The following ZNF432 variants were observed in gnomAD, a reference collection of about 807,000 sequenced individuals.
ZNF432 encodes zinc finger protein 432.
A neutral mutation model predicts 13.9 loss-of-function variants in ZNF432; 10 were observed. That is an observed-to-expected ratio of 0.72 (90% CI 0.44 to 1.22). ZNF432 has a LOEUF of 1.22. ZNF432 is among the 50% of genes most tolerant of loss of function. The pLI is 0.00. For missense variants in ZNF432, 793 were observed against 796.2 expected (o/e 1.00, Z 0.05); for synonymous variants, 247 against 256.2 (o/e 0.96, Z 0.34).
chr19:52,046,882 G>A lies in ZNF432; in HGVS notation c.-14C>T. The stretch of plus-strand genomic sequence containing the variant: ...GGCATTGATCATTTTCTTCTGTTGT[G>A]GGAAATGGCCAGCACCTGGGATACT... On this transcript the variant is annotated 5_prime_UTR_variant, in exon 2 of 5. Transcript: ENST00000221315. The A allele has an allele frequency of 6.2e-7, 1 of 1,613,040 alleles. No individual in the cohort carries two copies. The highest frequency in any genetic ancestry group is 8.5e-7 in the Non-Finnish European group (1 of 1,179,442).
At chr19:52,038,451 C>A (rs144168892) in intron 4 of ZNF432, among the ~76,000 whole-genome samples, 6 of 152,110 alleles carry the variant, frequency 3.9e-5, no homozygotes, top group Admixed American at 2.0e-4. Flanking sequence ...CCACCATGCC[C>A]GGCTAATTTT....
chr19:52,048,093 G>T (rs560836145), intron 1 of ZNF432, among the ~76,000 whole-genome samples: 1 of 136,356 alleles, frequency 7.3e-6, no homozygotes, highest in South Asian at 2.6e-4. Context: ...AAATGTTAAC[G>T]TTCATCAAGT....
At chr19:52,045,732 C>T (rs1298483575) in intron 2 of ZNF432, among the ~76,000 whole-genome samples, 1 of 150,838 alleles carries the variant, frequency 6.6e-6, no homozygotes, top group African/African-American at 2.4e-5. Context: ...CAGTGGCTCA[C>T]GCCTGTAATC....
At chr19:52,035,532 TTTA>T (rs1184236322) in intron 4 of ZNF432, 92 bp from the exon 5 acceptor site, 29 of 1,051,138 alleles carry the variant, frequency 2.8e-5, no homozygotes, top group African/African-American at 4.9e-5. Context: ...TTTTATTTTG[TTTA>T]TTATTATTAT....
chr19:52,042,166 G>A (rs747552541), intron 2 of ZNF432, among the ~76,000 whole-genome samples: 69 of 152,142 alleles, frequency 4.5e-4, no homozygotes, highest in Non-Finnish European at 7.6e-4. Flanking sequence ...GTATATATAC[G>A]TATACAGTCA....
Position 52,033,573 on chromosome 19 carries a change from G to T in ZNF432, c.*147C>A. ...TTCATGTTGAAGCCTTTCTGACATTGATAGCATTCATCCTAGTGAATAACA... is the reference window on the plus strand; with the variant it reads ...TTCATGTTGAAGCCTTTCTGACATTTATAGCATTCATCCTAGTGAATAACA... On this transcript the variant is annotated 3_prime_UTR_variant, in exon 5 of 5. Coordinates refer to ENST00000221315, the MANE Select transcript of ZNF432 (RefSeq NM_014650.4). The T allele has an allele frequency of 2.3e-6, 2 of 880,456 alleles. No homozygotes were observed. Among genetic ancestry groups the T allele is most frequent in the Non-Finnish European group, 3.3e-6 (2 of 597,698 alleles). 54.5% of individuals were successfully genotyped at this position (880,456 alleles called of 1,614,324 possible).
chr19:52,037,144 G>A (rs548315278), intron 4 of ZNF432, among the ~76,000 whole-genome samples: 3 of 152,292 alleles, frequency 2.0e-5, no homozygotes, highest in East Asian at 1.9e-4. Context: ...ATACATTCAC[G>A]TACATGTTGC....
chr19:52,036,428 G>A (rs2087081584), intron 4 of ZNF432, among the ~76,000 whole-genome samples: 1 of 152,234 alleles, frequency 6.6e-6, no homozygotes, highest in East Asian at 1.9e-4. Flanking sequence ...TGGGGAGAGT[G>A]AGGAAAGTGA....
chr19:52,034,745 T>A lies in ZNF432; in HGVS notation c.934A>T (p.Thr312Ser). Reference sequence around the variant, plus strand: ...CTACATATATAGGATTTCTCTCCAGTATGATTTCGCTGATGTACAATGAGA... The same window carrying A: ...CTACATATATAGGATTTCTCTCCAGAATGATTTCGCTGATGTACAATGAGA... ...RNLIVHQRNH[T>S]GEKSYICSEC... is the part of the protein sequence containing the mutation. The change falls in exon 5 of 5, where the codon ACT becomes TCT. Residue 312 changes from threonine (T) to serine (S), a missense_variant. Coordinates refer to ENST00000221315, the MANE Select transcript of ZNF432 (RefSeq NM_014650.4). 1 of 1,613,386 alleles carries A rather than the reference T, an allele frequency of 6.2e-7. No individual in the cohort carries two copies. The highest frequency in any genetic ancestry group is 8.5e-7 in the Non-Finnish European group (1 of 1,179,750).
chr19:52,044,683 T>C (rs564573324), intron 2 of ZNF432, among the ~76,000 whole-genome samples: 14 of 152,324 alleles, frequency 9.2e-5, no homozygotes, highest in Non-Finnish European at 1.8e-4. Flanking sequence ...TATTGGATCA[T>C]TGAAAATTGT....
At chr19:52,039,737 G>A (rs1194977651) in intron 4 of ZNF432, among the ~76,000 whole-genome samples, 1 of 150,572 alleles carries the variant, frequency 6.6e-6, no homozygotes, top group Non-Finnish European at 1.5e-5. Context: ...CCTGAGGCAG[G>A]AGAATCGCTT....
chr19:52,041,317 C>T (rs1471383344), intron 3 of ZNF432, among the ~76,000 whole-genome samples, 163 bp downstream of exon 3: 1 of 152,130 alleles, frequency 6.6e-6, no homozygotes, highest in Non-Finnish European at 1.5e-5. Flanking sequence ...ACCAATCCCT[C>T]TTGGACACTG....
chr19:52,035,774 A>C (rs7254131), intron 4 of ZNF432, among the ~76,000 whole-genome samples: 57,144 of 151,806 alleles, frequency 0.38, 11,306 homozygotes, highest in South Asian at 0.61. Context: ...CTCCAGTGAT[A>C]CCCCTACGTC....
chr19:52,044,317 A>C (rs1454054577), intron 2 of ZNF432, among the ~76,000 whole-genome samples: 1 of 152,212 alleles, frequency 6.6e-6, no homozygotes, highest in Non-Finnish European at 1.5e-5. Context: ...CCTTACCAGA[A>C]AGCAAAAGAA....
intron 2 of ZNF432, among the ~76,000 whole-genome samples, chr19:52,042,443 G>A (rs1396104964): frequency 2.6e-5 from 4 of 152,100 alleles, no homozygotes; most frequent in Non-Finnish European, 4.4e-5. Flanking sequence ...CAGCTACTTG[G>A]GAGGGTGAGG....
chr19:52,033,808 G>C lies in ZNF432; in HGVS notation c.1871C>G (p.Pro624Arg), dbSNP rs1169896344. ...TTTTCTACATTCACTGCATACAAAG[G>C]GTTTCTCTCCTGTATGAGTTCGTTG... is the stretch of plus-strand genomic sequence containing the variant. ...VHQRTHTGEK[P>R]FVCSECRKAF... Residue 624 changes from proline (P) to arginine (R), a missense_variant, in exon 5 of 5, where the codon CCC becomes CGC. Pro to Arg is a moderately radical substitution (Grantham distance 103). Transcript: ENST00000221315. 5.6e-6 allele frequency: 9 copies of C among 1,613,676 alleles called. No homozygotes were observed. In the East Asian group the frequency reaches 2.0e-4, roughly 36 times the overall value.
In ZNF432 at chr19:52,034,965, A is replaced by G. The variant is rs199709786; in HGVS notation, c.714T>C (p.Cys238=). ...TGEKPYGCTL[C]AKVFSRKSRL... Reference sequence around the variant, plus strand: ...TGGACTTTCTGGAGAACACTTTTGCACACAAAGTACATCCATAAGGTTTTT... The same window carrying G: ...TGGACTTTCTGGAGAACACTTTTGCGCACAAAGTACATCCATAAGGTTTTT... The change falls in exon 5 of 5, where the codon TGT becomes TGC. Residue 238 remains cysteine, a synonymous_variant. Transcript: ENST00000221315. The G allele has an allele frequency of 6.6e-5, 106 of 1,612,948 alleles. No homozygotes were observed. Among genetic ancestry groups the G allele is most frequent in the Non-Finnish European group, 8.9e-5 (105 of 1,179,722 alleles).
intron 2 of ZNF432, 48 bp from the exon 3 acceptor site, chr19:52,041,654 T>G (rs1366401235): frequency 3.1e-6 from 5 of 1,612,846 alleles, no homozygotes; most frequent in Non-Finnish European, 3.4e-6. Context: ...TCTCTTTTAC[T>G]GACATGAAAA....
rs926078274 is a variant in ZNF432 at position 52,035,193 on chromosome 19, C to T, written c.486G>A (p.Gly162=). 4.3e-6 allele frequency: 7 copies of T among 1,612,684 alleles called. No individual in the cohort carries two copies. Among genetic ancestry groups the T allele is most frequent in the Non-Finnish European group, 5.9e-6 (7 of 1,179,728 alleles). ...CATAGTTACCATGAAGAAATGATTT[C>T]CCATCTCCACTAAATTTAGTAGAGT... ...INNSTKFSGD[G]KSFLHGNYEE... The change falls in exon 5 of 5, where the codon GGG becomes GGA. Residue 162 remains glycine, a synonymous_variant. Transcript: ENST00000221315.
Sources: gnomAD v4.1 joint callset for allele counts (sites outside exome capture counted in the v4.1 genomes callset) on GRCh38, gnomAD v4.1.1 for gene constraint, MANE v1.5 for transcripts, NCBI Gene and HGNC (gene_info 2026-07-23, HGNC 2026-07-21) for gene names.